DLGAP2: variants seen among roughly 807,000 people sequenced by gnomAD.
DLGAP2 encodes the protein DLG associated protein 2.
A neutral mutation model predicts 100.3 loss-of-function variants in DLGAP2; 26 were observed. The observed-to-expected ratio is 0.26, with a 90% CI of 0.19 to 0.36. The LOEUF is 0.36. DLGAP2 is among the 10% of genes least tolerant of loss of function. DLGAP2 has a pLI of 1.00. For missense variants in DLGAP2, 1,858 were observed against 1,453.2 expected (o/e 1.28, Z -4.53); for synonymous variants, 886 against 630.1 (o/e 1.41, Z -6.08).
chr8:924,806 A>G (rs1798780239), intron 2 of DLGAP2, among the ~76,000 whole-genome samples: 1 of 151,978 alleles, frequency 6.6e-6, no homozygotes, highest in African/African-American at 2.4e-5. Context: ...GGCTGTTCTT[A>G]AACTCCCGAT....
At chr8:1,575,158 G>A (rs773081402) in intron 6 of DLGAP2, among the ~76,000 whole-genome samples, 2 of 152,184 alleles carry the variant, frequency 1.3e-5, no homozygotes, top group African/African-American at 4.8e-5. Flanking sequence ...CGTATCTGCT[G>A]CATTTTCATC....
At chr8:1,345,620 C>T (rs1291987949) in intron 3 of DLGAP2, among the ~76,000 whole-genome samples, 1 of 152,216 alleles carries the variant, frequency 6.6e-6, no homozygotes, top group Non-Finnish European at 1.5e-5. Flanking sequence ...TGTGTGTTAA[C>T]ACGTCTGATC....
chr8:1,458,015 A>ATATATATATATAT (rs1452643912), intron 3 of DLGAP2, among the ~76,000 whole-genome samples: 10 of 82,236 alleles, frequency 1.2e-4, no homozygotes, highest in South Asian at 4.0e-4. Flanking sequence ...TATATATATA[A>ATATATATATATAT]TTTTTTATAT....
intron 2 of DLGAP2, among the ~76,000 whole-genome samples, chr8:1,181,606 G>A (rs891400073): frequency 6.6e-6 from 1 of 152,004 alleles, no homozygotes; most frequent in Non-Finnish European, 1.5e-5. Context: ...TACCTGGGGG[G>A]TGAAATAATC....
At chr8:1,201,220 CAG>C (rs1797865566) in intron 2 of DLGAP2, among the ~76,000 whole-genome samples, 1 of 152,194 alleles carries the variant, frequency 6.6e-6, no homozygotes, top group Non-Finnish European at 1.5e-5. Flanking sequence ...GACGCAGAAC[CAG>C]GGGTGCATGC....
intron 5 of DLGAP2, 105 bp downstream of exon 5, chr8:1,549,788 G>C: frequency 1.6e-6 from 2 of 1,227,906 alleles, no homozygotes; most frequent in Admixed American, 2.7e-5. Flanking sequence ...CATTTAGGTT[G>C]TGCAACAGGA....
chr8:1,684,091 C>T (rs1799050206), intron 12 of DLGAP2, among the ~76,000 whole-genome samples: 1 of 150,466 alleles, frequency 6.6e-6, no homozygotes, highest in African/African-American at 2.5e-5. Context: ...AAGCAATGCT[C>T]CTGCTTCAGC....
intron 2 of DLGAP2, among the ~76,000 whole-genome samples, chr8:1,235,348 TCTCACACGTGGCGTCGTGTCTAGTTCC>T (rs1798627496): frequency 6.6e-6 from 1 of 150,696 alleles, no homozygotes; most frequent in African/African-American, 2.5e-5. Context: ...TGTCTAGTTA[TCTCACACGTGGCGTCGTGTCTAGTTCC>T]CTCACACATG....
At chr8:1,227,124 C>T (rs541328109) in intron 2 of DLGAP2, among the ~76,000 whole-genome samples, 57 of 96,352 alleles carry the variant, frequency 5.9e-4, no homozygotes, top group African/African-American at 4.1e-3. Context: ...GAGTGTCCTT[C>T]AACAAATGAA....
At chr8:876,029 T>G (rs1474489412) in intron 1 of DLGAP2, among the ~76,000 whole-genome samples, 1 of 152,230 alleles carries the variant, frequency 6.6e-6, no homozygotes. Context: ...ATGTTCTTAG[T>G]ATAACATAGC....
chr8:1,077,419 G>A (rs548699539), intron 2 of DLGAP2, among the ~76,000 whole-genome samples: 8 of 152,282 alleles, frequency 5.3e-5, no homozygotes, highest in African/African-American at 9.6e-5. Context: ...GCAGAGGGGC[G>A]GTGGTGATGT....
At chr8:742,695 C>T (rs534037253) in intron 1 of DLGAP2, among the ~76,000 whole-genome samples, 6 of 151,456 alleles carry the variant, frequency 4.0e-5, no homozygotes, top group South Asian at 2.1e-4. Context: ...TTGGTAGAGA[C>T]GGAGGTCTTG....
chr8:1,541,656 C>T (rs988752976), intron 4 of DLGAP2, among the ~76,000 whole-genome samples: 1 of 152,216 alleles, frequency 6.6e-6, no homozygotes, highest in Non-Finnish European at 1.5e-5. Context: ...GCAGAGCCCA[C>T]TGGGTTCTAG....
intron 1 of DLGAP2, among the ~76,000 whole-genome samples, chr8:822,855 A>G (rs897683641): frequency 1.3e-5 from 2 of 152,180 alleles, no homozygotes; most frequent in African/African-American, 2.4e-5. Flanking sequence ...CCAGAGGGCC[A>G]TGCCCACCTC....
chr8:825,023 T>C (rs1796660842), intron 1 of DLGAP2, among the ~76,000 whole-genome samples: 1 of 152,142 alleles, frequency 6.6e-6, no homozygotes, highest in Non-Finnish European at 1.5e-5. Context: ...AGCAGCACCC[T>C]GTGTTGACTC....
At chr8:1,292,071 A>G (rs947706508) in intron 3 of DLGAP2, among the ~76,000 whole-genome samples, 3 of 152,196 alleles carry the variant, frequency 2.0e-5, no homozygotes, top group Admixed American at 2.0e-4. Context: ...GAATGTTCCA[A>G]CTCTGAAGAC....
chr8:1,236,843 G>A (rs374044198), intron 2 of DLGAP2, among the ~76,000 whole-genome samples: 1,243 of 71,292 alleles, frequency 0.017, 122 homozygotes, highest in African/African-American at 0.069. Context: ...CACACATAGC[G>A]TCATGTCTAG....
At position 938,885 on chromosome 8, in the gene DLGAP2, T is replaced by C. The variant is rs543247437; in HGVS notation, c.73+30919T>C. On this transcript the variant is annotated intron_variant, in intron 2 of 14. Coordinates refer to ENST00000637795, the MANE Select transcript of DLGAP2 (RefSeq NM_001346810.2). ...AGAAAATGGCAGAAACTCCCAGGCC[T>C]CTGCCTTAAGCCCCGAGGAAGAGTG... 3.3e-5 allele frequency among the ~76,000 whole-genome samples: 5 copies of C among 152,346 alleles called. No individual in the cohort carries two copies. The East Asian group carries it at 9.7e-4, about 29-fold the overall frequency.
intron 3 of DLGAP2, among the ~76,000 whole-genome samples, chr8:1,313,595 A>G (rs1200618651): frequency 6.6e-6 from 1 of 152,208 alleles, no homozygotes; most frequent in Non-Finnish European, 1.5e-5. Flanking sequence ...ACACTTCCTC[A>G]GGCCATTCAG....
Sources: allele counts gnomAD v4.1 joint callset (sites outside exome capture counted in the v4.1 genomes callset), GRCh38; gene constraint gnomAD v4.1.1; transcripts MANE v1.5; gene names NCBI Gene and HGNC (gene_info 2026-07-23, HGNC 2026-07-21).